ADAM19: variants seen among roughly 807,000 people sequenced by gnomAD.
ADAM19 encodes ADAM metallopeptidase domain 19.
ADAM19 carries 65 observed loss-of-function variants against 114.7 expected under a neutral mutation model. The ratio of observed to expected loss-of-function variants is 0.57; its 90% CI spans 0.46 to 0.70. ADAM19 has a LOEUF of 0.70. ADAM19 is among the 30% of genes least tolerant of loss of function. ADAM19 has a pLI of 0.00. For synonymous variants in ADAM19, 466 were observed against 460.5 expected (o/e 1.01, Z -0.15); for missense variants, 1,063 against 1,204.7 (o/e 0.88, Z 1.74).
chr5:157,520,375 C>T (rs1473541458), intron 5 of ADAM19, among the ~76,000 whole-genome samples: 2 of 148,828 alleles, frequency 1.3e-5, no homozygotes, highest in African/African-American at 2.5e-5. Context: ...GAAGGCTGTA[C>T]CTGTGACACT....
At chr5:157,533,954 G>A (rs185478095) in intron 4 of ADAM19, among the ~76,000 whole-genome samples, 5 of 152,010 alleles carry the variant, frequency 3.3e-5, no homozygotes, top group East Asian at 3.9e-4. Context: ...GTGACCGAGC[G>A]AGACTCTGTC....
At chr5:157,509,826 G>A (rs1755860731) in intron 8 of ADAM19, among the ~76,000 whole-genome samples, 1 of 152,214 alleles carries the variant, frequency 6.6e-6, no homozygotes, top group Non-Finnish European at 1.5e-5. Context: ...GGTCTATCAT[G>A]TGGAAAAAGT....
At position 157,518,864 on chromosome 5, in the gene ADAM19, T is replaced by C. The variant is rs201737884; in HGVS notation, c.625A>G (p.Met209Val). The change falls in exon 7 of 23, where the codon ATG becomes GTG. Residue 209 changes from methionine to valine, a missense_variant. Met to Val is a conservative substitution (Grantham distance 21). Coordinates refer to ENST00000257527, the MANE Select transcript of ADAM19 (RefSeq NM_033274.5). ...RRMKREDLNS[M>V]KYVELYLVAD... ...ACGAGGTAAAGCTCCACATACTTCA[T>C]GGAGTTTAAATCTTCCCTTTTCATC... The C allele has an allele frequency of 5.1e-5, 83 of 1,614,066 alleles. No individual in the cohort carries two copies. The highest frequency in any genetic ancestry group is 1.7e-4 in the Middle Eastern group (1 of 6,060).
At chr5:157,552,068 T>C (rs1488502043) in intron 3 of ADAM19, among the ~76,000 whole-genome samples, 1 of 152,092 alleles carries the variant, frequency 6.6e-6, no homozygotes, top group Non-Finnish European at 1.5e-5. Flanking sequence ...CAAGAATCGC[T>C]TGAACCCAGA....
At chr5:157,486,851 T>C (rs1253212949) in intron 21 of ADAM19, among the ~76,000 whole-genome samples, 1 of 151,820 alleles carries the variant, frequency 6.6e-6, no homozygotes, top group Non-Finnish European at 1.5e-5. Flanking sequence ...AATGTGACCA[T>C]ATTTAGAGAT....
intron 3 of ADAM19, among the ~76,000 whole-genome samples, chr5:157,557,479 C>T (rs2113786256): frequency 6.6e-6 from 1 of 152,330 alleles, no homozygotes; most frequent in East Asian, 1.9e-4. Flanking sequence ...GATCACCAGG[C>T]TTATTACTGA....
rs1757954868 is a variant in ADAM19 at position 157,575,698 on chromosome 5, G to A, written c.-2C>T. The A allele has an allele frequency of 5.3e-6, 7 of 1,324,776 alleles. No homozygotes were observed. The East Asian group carries it at 2.2e-4, about 41-fold the overall frequency. The allele number at this position is 1,324,776 out of a possible 1,614,324, so 82.1% of individuals were successfully genotyped here. On this transcript the variant is annotated 5_prime_UTR_variant, in exon 1 of 23. Transcript: ENST00000257527. ...GGCGGCGCCTGCGCCCCCTGGCATG[G>A]TGGCGGCGGCCCTTAGCGCTCGGCG...
chr5:157,573,362 T>A (rs1343359377), intron 1 of ADAM19, among the ~76,000 whole-genome samples: 1 of 152,238 alleles, frequency 6.6e-6, no homozygotes, highest in Non-Finnish European at 1.5e-5. Flanking sequence ...TATTTACCAT[T>A]GATTAAAAGC....
rs548178783 is a variant in ADAM19 at position 157,531,272 on chromosome 5, C to T, written c.331-389G>A. On this transcript the variant is annotated intron_variant, in intron 4 of 22. Coordinates refer to ENST00000257527, the MANE Select transcript of ADAM19 (RefSeq NM_033274.5). ...CTCCCCACCAATGTTATCTTTGCAA[C>T]CCCCTGCAATGAGTTGAATAGAATC... Among the ~76,000 whole-genome samples the T allele has an allele frequency of 2.6e-5, 4 of 152,308 alleles. No homozygotes were observed. In the South Asian group the frequency reaches 8.3e-4, roughly 32 times the overall value.
chr5:157,485,256 C>T (rs1754896803), intron 21 of ADAM19, among the ~76,000 whole-genome samples: 1 of 152,214 alleles, frequency 6.6e-6, no homozygotes, highest in African/African-American at 2.4e-5. Flanking sequence ...AACTAGGACA[C>T]CCATTTGCTT....
Position 157,506,371 on chromosome 5 carries a change from T to C in ADAM19, c.991-563A>G, listed in dbSNP as rs181426847. ...AGTGTGTTTCCTGCATTATTTCATT[T>C]AATTCCCATTCCTATCCTATGATTA... is the stretch of plus-strand genomic sequence containing the variant. On this transcript the variant is annotated intron_variant, in intron 10 of 22. Transcript: ENST00000257527. Among the ~76,000 whole-genome samples, 497 of 152,358 alleles carry C rather than the reference T, an allele frequency of 3.3e-3. 1 individual carries two copies. The highest frequency in any genetic ancestry group is 5.7e-3 in the Non-Finnish European group (387 of 68,032).
chr5:157,570,761 A>C, intron 2 of ADAM19, 134 bp downstream of exon 2: 1 of 678,436 alleles, frequency 1.5e-6, no homozygotes, highest in Non-Finnish European at 2.5e-6. Flanking sequence ...GATCTCCAAA[A>C]TGGGCACCCA....
chr5:157,499,942 C>T (rs1460474144), intron 12 of ADAM19, among the ~76,000 whole-genome samples: 4 of 151,918 alleles, frequency 2.6e-5, no homozygotes, highest in Admixed American at 6.6e-5. Flanking sequence ...CCACACCTGG[C>T]TAATTTTTGT....
rs370153451 is a variant in ADAM19 at position 157,519,934 on chromosome 5, G to A, written c.505C>T (p.Pro169Ser). The A allele has an allele frequency of 1.9e-6, 3 of 1,613,996 alleles. No individual in the cohort carries two copies. The highest frequency in any genetic ancestry group is 2.5e-6 in the Non-Finnish European group (3 of 1,180,032). The change falls in exon 6 of 23, where the codon CCG becomes TCG. Residue 169 changes from proline (P) to serine (S), a missense_variant. Pro to Ser is a moderately conservative substitution (Grantham distance 74, BLOSUM62 -1). Around this residue, in one of 3 missense-constraint regions of ADAM19, gnomAD observed 615 missense variants for 706.3 expected, o/e 0.87. Coordinates refer to ENST00000257527, the MANE Select transcript of ADAM19 (RefSeq NM_033274.5). ...HLIYRSEHLK[P>S]PPGNCGFEHS... ...TCGAACCCACAGTTTCCCGGGGGCG[G>A]CTTGAGATGTTCAGATCTGTAAATA...
chr5:157,512,764 T>A (rs1328415946), intron 8 of ADAM19, among the ~76,000 whole-genome samples: 1 of 152,238 alleles, frequency 6.6e-6, no homozygotes, highest in Non-Finnish European at 1.5e-5. Flanking sequence ...TTAGGATAAC[T>A]TTACAGATGG....
chr5:157,524,735 CA>C (rs1270566566), intron 5 of ADAM19, among the ~76,000 whole-genome samples: 1 of 152,204 alleles, frequency 6.6e-6, no homozygotes, highest in Admixed American at 6.5e-5. Flanking sequence ...CACCTGGATT[CA>C]AACTCTGGCT....
intron 5 of ADAM19, among the ~76,000 whole-genome samples, chr5:157,525,458 AC>A (rs1407710531): frequency 1.2e-4 from 18 of 152,152 alleles, no homozygotes; most frequent in African/African-American, 4.1e-4. Flanking sequence ...AGGAAAGCCC[AC>A]CCAAAAAAGA....
rs1431981840 is a variant in ADAM19 at position 157,488,495 on chromosome 5, C to T, written c.2326-6G>A. On this transcript the variant is annotated splice_region_variant and splice_polypyrimidine_tract_variant and intron_variant, in intron 20 of 22. Coordinates refer to ENST00000257527, the MANE Select transcript of ADAM19 (RefSeq NM_033274.5). ...ATTTCCGGAGTGTTGATCACCTGTA[C>T]GCACAAGTCAAGGAACACCTGAGAC... is the stretch of plus-strand genomic sequence containing the variant. The T allele has an allele frequency of 1.3e-6, 2 of 1,578,168 alleles. No homozygotes were observed. Among genetic ancestry groups the T allele is most frequent in the Non-Finnish European group, 8.6e-7 (1 of 1,159,988 alleles).
intron 3 of ADAM19, among the ~76,000 whole-genome samples, chr5:157,557,782 C>T (rs1757407110): frequency 6.6e-6 from 1 of 152,142 alleles, no homozygotes; most frequent in Admixed American, 6.5e-5. Flanking sequence ...TCTATCAGGG[C>T]ACTAATCCTA....
Sources: gnomAD v4.1 joint callset for allele counts (sites outside exome capture counted in the v4.1 genomes callset) on GRCh38, gnomAD v4.1.1 for gene constraint, gnomAD v4.1.1 regional missense constraint, MANE v1.5 for transcripts, NCBI Gene and HGNC (gene_info 2026-07-23, HGNC 2026-07-21) for gene names.